PDE3A: variants seen among roughly 807,000 people sequenced by gnomAD.
The protein encoded by PDE3A is phosphodiesterase 3A.
A neutral mutation model predicts 98.3 loss-of-function variants in PDE3A; 43 were observed. The observed-to-expected ratio is 0.44, with a 90% confidence interval of 0.34 to 0.56. The LOEUF (loss-of-function observed/expected upper bound fraction) is 0.56, where lower values mean the gene tolerates loss of function less well. Ranked by LOEUF, PDE3A falls within the 20% of genes least tolerant of loss-of-function variation. The pLI is 0.01. For missense variants in PDE3A, 1,427 were observed against 1,440.7 expected (o/e 0.99, Z 0.15); for synonymous variants, 663 against 567.9 (o/e 1.17, Z -2.38).
At chr12:20,385,983 T>TAATATATATAAAAAATATATATA (rs1943753099) in intron 1 of PDE3A, among the ~76,000 whole-genome samples, 2 of 69,900 alleles carry the variant, frequency 2.9e-5, no homozygotes, top group Admixed American at 2.0e-4. Context: ...TATTAATATA[T>TAATATATATAAAAAATATATATA]AATATATATA....
intron 1 of PDE3A, among the ~76,000 whole-genome samples, chr12:20,528,762 C>T (rs1159511298): frequency 6.6e-6 from 1 of 152,034 alleles, no homozygotes; most frequent in Admixed American, 6.6e-5. Context: ...AGGGGTATAA[C>T]ATCTAGCAAA....
chr12:20,682,631 T>A lies in PDE3A; in HGVS notation c.*2360T>A, dbSNP rs1482580143. On this transcript the variant is annotated 3_prime_UTR_variant, in exon 16 of 16. Coordinates refer to ENST00000359062, the MANE Select transcript of PDE3A (RefSeq NM_000921.5). ...AACTTACTAAATTGTTTTCATTTTC[T>A]TAGTTTTACCTGTGTATCTCCATGT... 2.6e-5 allele frequency: 4 copies of A among 152,226 alleles called. No homozygotes were observed. The highest frequency in any genetic ancestry group is 4.4e-5 in the Non-Finnish European group (3 of 68,036). The allele number at this position is 152,226 out of a possible 1,614,324, so 9.4% of individuals were successfully genotyped here.
chr12:20,685,244 C>G lies in PDE3A; in HGVS notation c.*4973C>G, dbSNP rs1452608520. ...CCTGACCAACACGGAGAAACCCCGT[C>G]TTTACTAAAAATACAAAATGATTCA... On this transcript the variant is annotated 3_prime_UTR_variant, in exon 16 of 16. Transcript: ENST00000359062. Among the ~76,000 whole-genome samples the G allele has an allele frequency of 6.6e-6, 1 of 151,886 alleles. No homozygotes were observed. Among genetic ancestry groups the G allele is most frequent in the Non-Finnish European group, 1.5e-5 (1 of 67,974 alleles).
intron 8 of PDE3A, 68 bp downstream of exon 8, chr12:20,635,124 G>T: frequency 7.0e-7 from 1 of 1,424,074 alleles, no homozygotes; most frequent in South Asian, 1.3e-5. Flanking sequence ...TATTGGCTCA[G>T]AAATGAATCT....
intron 15 of PDE3A, among the ~76,000 whole-genome samples, chr12:20,657,210 A>C (rs1180973224): frequency 1.3e-5 from 2 of 152,212 alleles, no homozygotes; most frequent in Non-Finnish European, 2.9e-5. Flanking sequence ...TGAAGGGGGA[A>C]TCAATGCTTA....
intron 1 of PDE3A, among the ~76,000 whole-genome samples, chr12:20,379,488 C>G (rs1423324315): frequency 1.3e-5 from 2 of 151,662 alleles, no homozygotes; most frequent in African/African-American, 4.8e-5. Flanking sequence ...AAGTCAGATT[C>G]AGATTAAGAC....
At chr12:20,520,145 A>G (rs1045411098) in intron 1 of PDE3A, among the ~76,000 whole-genome samples, 1 of 152,202 alleles carries the variant, frequency 6.6e-6, no homozygotes, top group Non-Finnish European at 1.5e-5. Flanking sequence ...GTGAAATTCA[A>G]GTAGTGTAGT....
intron 15 of PDE3A, among the ~76,000 whole-genome samples, chr12:20,658,084 A>G (rs1403429860): frequency 6.6e-6 from 1 of 152,238 alleles, no homozygotes; most frequent in Non-Finnish European, 1.5e-5. Flanking sequence ...AACGAAGTAG[A>G]AATAGACAAG....
At chr12:20,538,679 C>G (rs759172252) in intron 1 of PDE3A, among the ~76,000 whole-genome samples, 8 of 152,130 alleles carry the variant, frequency 5.3e-5, no homozygotes, top group Non-Finnish European at 7.4e-5. Flanking sequence ...TTCTTTACTA[C>G]TTGTGTATTC....
At position 20,644,264 on chromosome 12, in the gene PDE3A, G is replaced by A. The variant is rs554496576; in HGVS notation, c.2252-2226G>A. ...TACAAATCCAGCATTGATTCTGGGA[G>A]AAAGCTGGTGATCTATACTAGTTCT... On this transcript the variant is annotated intron_variant, in intron 10 of 15. Transcript: ENST00000359062. Among the ~76,000 whole-genome samples the A allele has an allele frequency of 5.3e-5, 8 of 152,232 alleles. No individual in the cohort carries two copies. In the South Asian group the frequency reaches 1.7e-3, roughly 32 times the overall value.
intron 1 of PDE3A, among the ~76,000 whole-genome samples, chr12:20,469,908 A>T (rs1945407116): frequency 6.6e-6 from 1 of 152,214 alleles, no homozygotes; most frequent in African/African-American, 2.4e-5. Context: ...AGGCAGACAA[A>T]ATAGATATTC....
At chr12:20,658,111 A>G (rs1304241836) in intron 15 of PDE3A, among the ~76,000 whole-genome samples, 2 of 152,248 alleles carry the variant, frequency 1.3e-5, no homozygotes, top group Non-Finnish European at 2.9e-5. Context: ...TAGAAGAGTA[A>G]TTTTTAATTT....
intron 1 of PDE3A, among the ~76,000 whole-genome samples, chr12:20,461,236 G>GA (rs67508401): frequency 0.36 from 35,569 of 98,326 alleles, 7,591 homozygotes; most frequent in East Asian, 0.65. Flanking sequence ...GTGTTTGTCA[G>GA]AAAAAAAAAA....
At chr12:20,464,982 TACA>T (rs1945315431) in intron 1 of PDE3A, among the ~76,000 whole-genome samples, 1 of 152,176 alleles carries the variant, frequency 6.6e-6, no homozygotes, top group Non-Finnish European at 1.5e-5. Flanking sequence ...AAGAAGCAGT[TACA>T]TATGAGAATA....
chr12:20,391,851 T>C (rs1943921245), intron 1 of PDE3A, among the ~76,000 whole-genome samples: 2 of 152,036 alleles, frequency 1.3e-5, no homozygotes, highest in Admixed American at 1.3e-4. Context: ...AGATATGGTA[T>C]GACTGGAACA....
At chr12:20,501,174 A>T (rs933337805) in intron 1 of PDE3A, among the ~76,000 whole-genome samples, 1 of 152,180 alleles carries the variant, frequency 6.6e-6, no homozygotes, top group Non-Finnish European at 1.5e-5. Context: ...TTTTTCTCTT[A>T]ATACTAGGTT....
chr12:20,571,032 T>C (rs1392785301), intron 2 of PDE3A, among the ~76,000 whole-genome samples: 3 of 152,174 alleles, frequency 2.0e-5, no homozygotes, highest in Non-Finnish European at 4.4e-5. Flanking sequence ...CAAGTGTTCA[T>C]GTTATGATAG....
chr12:20,539,143 C>G (rs1941830637), intron 1 of PDE3A, among the ~76,000 whole-genome samples: 1 of 151,970 alleles, frequency 6.6e-6, no homozygotes, highest in South Asian at 2.1e-4. Flanking sequence ...TAAAAGGGAC[C>G]AAAACTGTTT....
intron 10 of PDE3A, among the ~76,000 whole-genome samples, chr12:20,645,947 T>G (rs752671855): frequency 1.2e-4 from 19 of 152,226 alleles, no homozygotes; most frequent in Admixed American, 2.0e-4. Flanking sequence ...TATAATTGAT[T>G]GTGGCTTTGA....
Sources: gnomAD v4.1 joint callset for allele counts (sites outside exome capture counted in the v4.1 genomes callset) on GRCh38, gnomAD v4.1.1 for gene constraint, MANE v1.5 for transcripts, NCBI Gene and HGNC (gene_info 2026-07-23, HGNC 2026-07-21) for gene names.